The following UVRAG variants were observed in gnomAD, a reference collection of about 807,000 sequenced individuals.
UVRAG encodes the protein UV radiation resistance-associated gene protein.
UVRAG carries 19 observed loss-of-function variants against 78.0 expected under a neutral mutation model. The ratio of observed to expected loss-of-function variants is 0.24; its 90% CI spans 0.17 to 0.36. The LOEUF is 0.36. Among genes scored for constraint, UVRAG ranks in the 10% least tolerant of loss-of-function variants. The pLI, the probability that UVRAG is intolerant of heterozygous loss-of-function variation, is 1.00. For synonymous variants in UVRAG, 323 were observed against 324.6 expected (o/e 1.00, Z 0.05); for missense variants, 740 against 853.8 (o/e 0.87, Z 1.66).
chr11:76,022,654 T>C (rs1351394506), intron 12 of UVRAG, among the ~76,000 whole-genome samples: 1 of 152,202 alleles, frequency 6.6e-6, no homozygotes, highest in African/African-American at 2.4e-5. Context: ...CTTTGAACCT[T>C]TTTATCTAGA....
chr11:75,921,690 AT>A (rs553031192), intron 6 of UVRAG, among the ~76,000 whole-genome samples: 3,321 of 147,482 alleles, frequency 0.023, 93 homozygotes, highest in African/African-American at 0.063. Context: ...ATTGCAATTT[AT>A]TTTTTTTTTC....
chr11:75,939,850 T>C (rs1315566276), intron 6 of UVRAG, among the ~76,000 whole-genome samples: 1 of 152,168 alleles, frequency 6.6e-6, no homozygotes, highest in Non-Finnish European at 1.5e-5. Flanking sequence ...TGTGGTAATT[T>C]TGATTTATGT....
chr11:76,017,981 T>A (rs538969814), intron 12 of UVRAG, among the ~76,000 whole-genome samples: 43 of 152,310 alleles, frequency 2.8e-4, no homozygotes, highest in Non-Finnish European at 4.4e-5. Context: ...AGGATAAAGA[T>A]GTATTTCTAA....
intron 6 of UVRAG, among the ~76,000 whole-genome samples, chr11:75,919,344 T>C (rs59030875): frequency 1.3e-5 from 2 of 152,320 alleles, no homozygotes; most frequent in East Asian, 3.9e-4. Context: ...ACTCGTGTAC[T>C]TTCTTTTCTT....
At position 75,880,928 on chromosome 11, in the gene UVRAG, C is replaced by CTTT. The variant is rs773034018; in HGVS notation, c.432+913_432+915dup. ...CTTTCTTCCTTTCTTTTATTTACTT[C>CTTT]TTTTTTTTTTTTTTTTTTTTTTTTT... On this transcript the variant is annotated intron_variant, in intron 4 of 14. Coordinates refer to ENST00000356136, the MANE Select transcript of UVRAG (RefSeq NM_003369.4). Among the ~76,000 whole-genome samples the CTTT allele has an allele frequency of 3.1e-3, 271 of 87,688 alleles. 8 individuals are homozygous for CTTT. The highest frequency in any genetic ancestry group is 9.7e-3 in the African/African-American group (226 of 23,382). The allele number at this position is 87,688 out of a possible 152,430, so 57.5% of individuals were successfully genotyped here.
At chr11:75,967,103 C>CA in intron 7 of UVRAG, among the ~76,000 whole-genome samples, 1 of 152,186 alleles carries the variant, frequency 6.6e-6, no homozygotes, top group East Asian at 1.9e-4. Context: ...AGTTCTGACT[C>CA]ACCTCCAAAA....
chr11:76,068,461 A>T (rs1408766496), intron 13 of UVRAG, among the ~76,000 whole-genome samples: 1 of 152,208 alleles, frequency 6.6e-6, no homozygotes, highest in African/African-American at 2.4e-5. Context: ...ACTACTCTGA[A>T]TCCATAGGGA....
At chr11:75,957,053 G>C (rs553641942) in intron 6 of UVRAG, among the ~76,000 whole-genome samples, 1 of 151,642 alleles carries the variant, frequency 6.6e-6, no homozygotes, top group South Asian at 2.1e-4. Context: ...AGATTAACAG[G>C]TATTTCTCAT....
In UVRAG at chr11:76,099,969, T is replaced by G. The variant is rs113905200; in HGVS notation, c.1306-15955T>G. ...CCTAATTAGTATTAACTGATTATGG[T>G]AGTAGTGAACATCTCTGTCTTATGC... On this transcript the variant is annotated intron_variant, in intron 13 of 14. Coordinates refer to ENST00000356136, the MANE Select transcript of UVRAG (RefSeq NM_003369.4). Among the ~76,000 whole-genome samples, 261 of 152,248 alleles carry G rather than the reference T, an allele frequency of 1.7e-3. 1 individual carries two copies. The highest frequency in any genetic ancestry group is 6.0e-3 in the African/African-American group (250 of 41,566).
intron 6 of UVRAG, among the ~76,000 whole-genome samples, chr11:75,915,755 G>A (rs1947836260): frequency 6.6e-6 from 1 of 152,086 alleles, no homozygotes; most frequent in African/African-American, 2.4e-5. Context: ...CTTTCTAATA[G>A]GCTTATTAGG....
chr11:75,832,940 A>G (rs1416379344), intron 1 of UVRAG, among the ~76,000 whole-genome samples: 4 of 152,214 alleles, frequency 2.6e-5, no homozygotes, highest in African/African-American at 7.2e-5. Flanking sequence ...GCTGTGTGCT[A>G]GAAACCAGGG....
At chr11:75,830,207 C>T (rs920264987) in intron 1 of UVRAG, among the ~76,000 whole-genome samples, 1 of 152,018 alleles carries the variant, frequency 6.6e-6, no homozygotes, top group African/African-American at 2.4e-5. Flanking sequence ...CTTCTTTCTC[C>T]AACTTCTGTT....
At chr11:76,008,780 A>T (rs780412467) in intron 10 of UVRAG, 27 bp from the exon 11 acceptor site, 1 of 1,304,042 alleles carries the variant, frequency 7.7e-7, no homozygotes. Context: ...TTTATTTATT[A>T]ATTTTATTCT....
At chr11:75,845,836 T>G (rs1946019288) in intron 1 of UVRAG, among the ~76,000 whole-genome samples, 1 of 152,040 alleles carries the variant, frequency 6.6e-6, no homozygotes, top group Non-Finnish European at 1.5e-5. Flanking sequence ...AACCTGTATA[T>G]GTACCTCTTG....
intron 6 of UVRAG, among the ~76,000 whole-genome samples, chr11:75,937,337 A>G (rs1948392519): frequency 6.6e-6 from 1 of 152,188 alleles, no homozygotes; most frequent in Admixed American, 6.5e-5. Flanking sequence ...GACTCTGCCA[A>G]TATATTTACC....
chr11:76,087,227 A>G (rs1297540468), intron 13 of UVRAG, among the ~76,000 whole-genome samples: 2 of 152,224 alleles, frequency 1.3e-5, no homozygotes, highest in Non-Finnish European at 2.9e-5. Context: ...AGAAAGTCAA[A>G]CATATTCTTG....
intron 6 of UVRAG, among the ~76,000 whole-genome samples, chr11:75,945,558 C>T (rs1948571602): frequency 6.6e-6 from 1 of 152,106 alleles, no homozygotes; most frequent in Non-Finnish European, 1.5e-5. Context: ...TTTGTACCTA[C>T]AGGTGCCTGG....
chr11:76,027,032 T>C (rs1175198348), intron 12 of UVRAG, among the ~76,000 whole-genome samples: 1 of 152,010 alleles, frequency 6.6e-6, no homozygotes, highest in Non-Finnish European at 1.5e-5. Context: ...GTCGGAATAT[T>C]ATTACATCAT....
Position 75,992,530 on chromosome 11 carries a change from A to G in UVRAG, c.826+9017A>G, listed in dbSNP as rs370599627. On this transcript the variant is annotated intron_variant, in intron 8 of 14. Transcript: ENST00000356136. ...GAGAAAGAGTGCTGCTGTTGGCTTC[A>G]CTCTTATTCCCATTGCGAATGTTTG... 8.6e-5 allele frequency among the ~76,000 whole-genome samples: 13 copies of G among 151,952 alleles called. No individual in the cohort carries two copies. The East Asian group carries it at 2.5e-3, about 29-fold the overall frequency.
Sources: allele counts gnomAD v4.1 joint callset (sites outside exome capture counted in the v4.1 genomes callset), GRCh38; gene constraint gnomAD v4.1.1; transcripts MANE v1.5; gene names NCBI Gene and HGNC (gene_info 2026-07-23, HGNC 2026-07-21).